CIB1: variants seen among roughly 807,000 people sequenced by gnomAD.
The protein encoded by CIB1 is calcium and integrin-binding protein 1.
Under a neutral mutation model 25.0 loss-of-function variants are expected in CIB1, and 19 were observed. The ratio of observed to expected loss-of-function variants is 0.76; its 90% confidence interval spans 0.53 to 1.12. The LOEUF is 1.12. Ranked by LOEUF, CIB1 falls within the 50% of genes most tolerant of loss-of-function variation. CIB1 has a pLI of 0.00. For missense variants in CIB1, 236 were observed against 242.6 expected (o/e 0.97, Z 0.18); for synonymous variants, 104 against 98.5 (o/e 1.06, Z -0.33).
At chr15:90,253,000 AAAACAAAC>A in the CIB1 span, among the ~76,000 whole-genome samples, 12 of 152,260 alleles carry the variant, frequency 7.9e-5, no homozygotes, top group Admixed American at 6.5e-4. Flanking sequence ...CCGTCTCTAA[AAAACAAAC>A]AAACAAACAA....
At chr15:90,262,085 C>T in the CIB1 span, 9 of 1,535,888 alleles carry the variant, frequency 5.9e-6, no homozygotes, top group African/African-American at 1.4e-5. Context: ...AAAATACCGG[C>T]GGATCTACCC....
chr15:90,234,053 T>TGGCAGGCGAGCTGCCGGCTCC (rs1962576238), upstream of CIB1: 2 of 767,672 alleles, frequency 2.6e-6, no homozygotes, highest in African/African-American at 1.9e-5. Context: ...CAGCCGGGTT[T>TGGCAGGCGAGCTGCCGGCTCC]GGCAGGCGAG....
the CIB1 span, chr15:90,245,041 GCCTTCAGGTCGTTGGCTCCCTAT>G: frequency 6.6e-6 from 1 of 152,204 alleles, no homozygotes; most frequent in Non-Finnish European, 1.5e-5. Context: ...CCTGGCTTAG[GCCTTCAGGTCGTTGGCTCCCTAT>G]ACCTAGGCCT....
At chr15:90,242,669 A>ACTC in the CIB1 span, 1 of 149,902 alleles carries the variant, frequency 6.7e-6, no homozygotes, top group East Asian at 2.0e-4. Flanking sequence ...CTGGTCTTGA[A>ACTC]CTCCTGACTT....
At chr15:90,251,106 T>G in the CIB1 span, among the ~76,000 whole-genome samples, 1 of 138,024 alleles carries the variant, frequency 7.2e-6, no homozygotes. Context: ...TATGTCATCC[T>G]GGTCTGTCTT....
At chr15:90,260,716 T>A in the CIB1 span, among the ~76,000 whole-genome samples, 2 of 151,672 alleles carry the variant, frequency 1.3e-5, no homozygotes, top group African/African-American at 4.8e-5. Context: ...CTGGGCGTGG[T>A]GGTGCATGCC....
At chr15:90,244,105 T>G in the CIB1 span, 1 of 152,202 alleles carries the variant, frequency 6.6e-6, no homozygotes, top group Non-Finnish European at 1.5e-5. Flanking sequence ...TGACAGTTTG[T>G]ACTTTGTTCA....
At chr15:90,256,608 TCCTTCC>T in the CIB1 span, among the ~76,000 whole-genome samples, 1 of 55,440 alleles carries the variant, frequency 1.8e-5, no homozygotes, top group African/African-American at 1.2e-4. Context: ...TTTCTTTCTT[TCCTTCC>T]TTCCTTCCTT....
rs190972830 is a variant in CIB1, at chr15:90,230,012, C to T, written c.*472G>A. The T allele has an allele frequency of 1.9e-3, 336 of 181,504 alleles. 1 individual carries two copies. Among genetic ancestry groups the T allele is most frequent in the Non-Finnish European group, 2.7e-3 (233 of 84,838 alleles). 11.2% of individuals were successfully genotyped at this position (181,504 alleles called of 1,614,324 possible). A position where few individuals can be genotyped will look rare whatever the true frequency, so the allele number is the denominator to read the frequency against. On this transcript the variant is annotated 3_prime_UTR_variant, in exon 7 of 7. Transcript: ENST00000328649. Reference sequence around the variant, plus strand: ...GACTTTACTGATGTACGGTTCTTTACATTTTGATGCATGCAGAGACTCATC... The same window carrying T: ...GACTTTACTGATGTACGGTTCTTTATATTTTGATGCATGCAGAGACTCATC...
chr15:90,254,589 T>C, the CIB1 span, among the ~76,000 whole-genome samples: 1 of 148,768 alleles, frequency 6.7e-6, no homozygotes, highest in Non-Finnish European at 1.5e-5. Context: ...GTGCCTGAAA[T>C]CCCTTTGGGA....
the CIB1 span, chr15:90,241,356 CAAG>C: frequency 1.2e-6 from 2 of 1,614,210 alleles, no homozygotes; most frequent in African/African-American, 2.7e-5. Flanking sequence ...GACTCTGCTG[CAAG>C]AAGACATCCT....
the CIB1 span, among the ~76,000 whole-genome samples, chr15:90,254,514 C>T: frequency 1.9e-5 from 2 of 105,474 alleles, no homozygotes; most frequent in South Asian, 4.0e-4. Flanking sequence ...AAAAAAAGGA[C>T]GCTCCAAAGG....
chr15:90,233,644 A>T, intron 2 of CIB1, 25 bp downstream of exon 2: 1 of 1,568,834 alleles, frequency 6.4e-7, no homozygotes, highest in Non-Finnish European at 8.6e-7. Context: ...CCGGGGTCGG[A>T]GGCAGGGTTC....
In CIB1 at chr15:90,233,898, C is replaced by G; in HGVS notation, c.-13G>C. The G allele has an allele frequency of 4.1e-6, 6 of 1,464,132 alleles. No homozygotes were observed. Among genetic ancestry groups the G allele is most frequent in the Non-Finnish European group, 4.5e-6 (5 of 1,111,882 alleles). The allele number at this position is 1,464,132 out of a possible 1,614,324, so 90.7% of individuals were successfully genotyped here. On this transcript the variant is annotated 5_prime_UTR_variant, in exon 1 of 7. Coordinates refer to ENST00000328649, the MANE Select transcript of CIB1 (RefSeq NM_006384.4). ...CCGAGCCCCCCATCGCCCCGCCGCG[C>G]GCACAGCTCCGCCAACTCGCCTCGA...
In CIB1 at chr15:90,230,411, G is replaced by T; in HGVS notation, c.*73C>A. On this transcript the variant is annotated 3_prime_UTR_variant, in exon 7 of 7. Transcript: ENST00000328649. ...AGCTTGGCCCGCACTGGCAACACAG[G>T]CTTGACCTTGGCCACAGCTCAGCAG... is the stretch of plus-strand genomic sequence containing the variant. 6.5e-7 allele frequency: 1 copy of T among 1,528,858 alleles called. No homozygotes were observed. Among genetic ancestry groups the T allele is most frequent in the African/African-American group, 1.4e-5 (1 of 72,542 alleles). 94.7% of individuals were successfully genotyped at this position (1,528,858 alleles called of 1,614,324 possible). A position where few individuals can be genotyped will look rare whatever the true frequency, so the allele number is the denominator to read the frequency against.
At chr15:90,251,596 T>C in the CIB1 span, 33 of 1,613,796 alleles carry the variant, frequency 2.0e-5, no homozygotes, top group Non-Finnish European at 2.8e-5. Flanking sequence ...ATGAGAGTGG[T>C]AAGCACCCAG....
the CIB1 span, among the ~76,000 whole-genome samples, chr15:90,248,862 G>A: frequency 1.2e-4 from 19 of 152,032 alleles, no homozygotes; most frequent in South Asian, 4.0e-3. Context: ...GGTGGAGGTG[G>A]TGAGCAGAAA....
At chr15:90,251,135 A>G in the CIB1 span, among the ~76,000 whole-genome samples, 1 of 43,826 alleles carries the variant, frequency 2.3e-5, no homozygotes, top group African/African-American at 1.0e-4. Context: ...TTTTTTTGAG[A>G]CAGAGTCTCG....
the CIB1 span, among the ~76,000 whole-genome samples, chr15:90,248,499 G>A: frequency 6.6e-6 from 1 of 151,942 alleles, no homozygotes; most frequent in African/African-American, 2.4e-5. Context: ...CAGGTCACTT[G>A]AGGTCAGGAG....
Sources: gnomAD v4.1 joint callset for allele counts (sites outside exome capture counted in the v4.1 genomes callset) on GRCh38, gnomAD v4.1.1 for gene constraint, MANE v1.5 for transcripts, NCBI Gene and HGNC (gene_info 2026-07-23, HGNC 2026-07-21) for gene names.